Variants in PTP4A3 observed in about 807,000 individuals in gnomAD.
PTP4A3 encodes the protein protein tyrosine phosphatase 4A3, also known as protein tyrosine phosphatase type IVA 3.
Under a neutral mutation model 15.2 loss-of-function variants are expected in PTP4A3, and 9 were observed. The observed-to-expected ratio is 0.59, with a 90% CI of 0.36 to 1.03. The LOEUF is 1.03. Among genes scored for constraint, PTP4A3 ranks in the 50% least tolerant of loss-of-function variants. The pLI is 0.02. For missense variants in PTP4A3, 234 were observed against 252.1 expected (o/e 0.93, Z 0.49); for synonymous variants, 95 against 102.0 (o/e 0.93, Z 0.41).
chr8:141,398,892 C>T (rs1159511851), intron 1 of PTP4A3, among the ~76,000 whole-genome samples: 32 of 152,110 alleles, frequency 2.1e-4, no homozygotes, highest in Admixed American at 2.1e-3. Flanking sequence ...CGGCCTCGTC[C>T]TCACCCGCCA....
At chr8:141,429,323 G>T (rs962800768) in intron 5 of PTP4A3, among the ~76,000 whole-genome samples, 2 of 152,266 alleles carry the variant, frequency 1.3e-5, no homozygotes, top group African/African-American at 4.8e-5. Flanking sequence ...GGCCACGCCT[G>T]AGGTCATGGC....
At position 141,422,264 on chromosome 8, in the gene PTP4A3, C is replaced by T. The variant is rs764412569; in HGVS notation, c.24C>T (p.Ala8=). The T allele has an allele frequency of 7.4e-6, 12 of 1,612,956 alleles. No individual in the cohort carries two copies. In the African/African-American group the frequency reaches 9.3e-5, roughly 13 times the overall value. MARMNRP[A]PVEVSYKHMR... Reference sequence around the variant, plus strand: ...CCATGGCTCGGATGAACCGCCCGGCCCCGGTGGAGGTGAGCTACAAACACA... The same window carrying T: ...CCATGGCTCGGATGAACCGCCCGGCTCCGGTGGAGGTGAGCTACAAACACA... The change falls in exon 2 of 6, where the codon GCC becomes GCT. Residue 8 remains alanine, a synonymous_variant. Coordinates refer to ENST00000521578, the MANE Select transcript of PTP4A3 (RefSeq NM_032611.3).
intron 1 of PTP4A3, among the ~76,000 whole-genome samples, chr8:141,414,526 A>T (rs765817327): frequency 3.3e-5 from 5 of 150,616 alleles, no homozygotes; most frequent in Middle Eastern, 3.4e-3. Flanking sequence ...CAGGTGTGTG[A>T]GTCTCTGCAC....
intron 1 of PTP4A3, among the ~76,000 whole-genome samples, chr8:141,414,355 T>TG (rs1236402084): frequency 4.2e-5 from 6 of 142,510 alleles, no homozygotes; most frequent in Non-Finnish European, 9.1e-5. Flanking sequence ...CCCTAGGGTC[T>TG]GGGGGCCCAG....
At chr8:141,426,031 C>T (rs1232770067) in intron 3 of PTP4A3, among the ~76,000 whole-genome samples, 1 of 152,232 alleles carries the variant, frequency 6.6e-6, no homozygotes, top group East Asian at 1.9e-4. Flanking sequence ...CCCTCCCTCC[C>T]CTTCCACAGC....
Position 141,431,216 on chromosome 8 carries a change from G to A in PTP4A3, c.*172G>A. 1 of 628,918 alleles carries A rather than the reference G, an allele frequency of 1.6e-6. No homozygotes were observed. The allele number at this position is 628,918 out of a possible 1,614,324, so 39.0% of individuals were successfully genotyped here. A position where few individuals can be genotyped will look rare whatever the true frequency, so the allele number is the denominator to read the frequency against. ...TGCACTTGTGTCCGAGGAGCGAGGA[G>A]CCCCTCGGGCCCTGGGTGGCCTCTG... On this transcript the variant is annotated 3_prime_UTR_variant, in exon 6 of 6. Coordinates refer to ENST00000521578, the MANE Select transcript of PTP4A3 (RefSeq NM_032611.3).
At position 141,403,862 on chromosome 8, in the gene PTP4A3, G is replaced by A. The variant is rs1016809868; in HGVS notation, c.-854+11778G>A. On this transcript the variant is annotated intron_variant, in intron 1 of 5. Coordinates refer to ENST00000521578, the MANE Select transcript of PTP4A3 (RefSeq NM_032611.3). ...CGGCTTCCTGTATTGCCACGCATTC[G>A]TCTGACTATGTCTATTTGACGAATT... Among the ~76,000 whole-genome samples, 10 of 152,220 alleles carry A rather than the reference G, an allele frequency of 6.6e-5. No homozygotes were observed. In the South Asian group the frequency reaches 8.3e-4, roughly 13 times the overall value.
chr8:141,396,063 C>T (rs886267561), intron 1 of PTP4A3, among the ~76,000 whole-genome samples: 5 of 152,210 alleles, frequency 3.3e-5, no homozygotes, highest in Admixed American at 3.3e-4. Flanking sequence ...GATGTGTAAC[C>T]CCCACCCCTG....
At chr8:141,410,332 C>G (rs1832836139) in intron 1 of PTP4A3, among the ~76,000 whole-genome samples, 1 of 152,230 alleles carries the variant, frequency 6.6e-6, no homozygotes, top group Non-Finnish European at 1.5e-5. Context: ...TGCCTGGTTT[C>G]AAAAACATTC....
intron 1 of PTP4A3, among the ~76,000 whole-genome samples, chr8:141,405,813 C>T (rs960251501): frequency 1.3e-5 from 2 of 151,862 alleles, no homozygotes; most frequent in South Asian, 2.1e-4. Context: ...ACCTGAGATC[C>T]GAGTGGTAAG....
At chr8:141,398,867 A>G (rs909652563) in intron 1 of PTP4A3, among the ~76,000 whole-genome samples, 1 of 152,044 alleles carries the variant, frequency 6.6e-6, no homozygotes, top group African/African-American at 2.4e-5. Flanking sequence ...GGGGAGCTGC[A>G]GGAGCCTGTT....
chr8:141,418,290 C>G (rs150120897), intron 1 of PTP4A3, among the ~76,000 whole-genome samples: 1 of 152,252 alleles, frequency 6.6e-6, no homozygotes, highest in Non-Finnish European at 1.5e-5. Context: ...AGGGGGCGCC[C>G]TGTCTGAAGC....
chr8:141,423,614 G>C (rs532513028), intron 2 of PTP4A3, among the ~76,000 whole-genome samples: 2 of 152,044 alleles, frequency 1.3e-5, no homozygotes, highest in East Asian at 3.9e-4. Flanking sequence ...CGCTCAGTAT[G>C]TGACCAAGGT....
chr8:141,420,537 C>T (rs1420671033), intron 1 of PTP4A3, among the ~76,000 whole-genome samples: 2 of 152,176 alleles, frequency 1.3e-5, no homozygotes, highest in Non-Finnish European at 2.9e-5. Context: ...GCCCCCCCTG[C>T]CGCCTCCCCT....
intron 3 of PTP4A3, among the ~76,000 whole-genome samples, chr8:141,426,193 C>T (rs1321644372): frequency 6.6e-6 from 1 of 152,156 alleles, no homozygotes; most frequent in Non-Finnish European, 1.5e-5. Context: ...ACCAGACAGC[C>T]CCATGCCTGG....
chr8:141,429,623 G>A (rs1023752405), intron 5 of PTP4A3, among the ~76,000 whole-genome samples: 5 of 150,216 alleles, frequency 3.3e-5, no homozygotes, highest in South Asian at 2.1e-4. Context: ...CCACGTCCCC[G>A]CTGTAAGGAC....
chr8:141,431,029 G>C lies in PTP4A3; in HGVS notation c.507G>C (p.Arg169=). The C allele has an allele frequency of 6.2e-7, 1 of 1,613,190 alleles. No individual in the cohort carries two copies. The highest frequency in any genetic ancestry group is 8.5e-7 in the Non-Finnish European group (1 of 1,179,940). Residue 169 remains arginine, a synonymous_variant, in exon 6 of 6, where the codon CGG becomes CGC. Coordinates refer to ENST00000521578, the MANE Select transcript of PTP4A3 (RefSeq NM_032611.3). The stretch of plus-strand genomic sequence containing the variant: ...AAGACCCACACACGCACAAGACCCG[G>C]TGCTGCGTTATGTAGCTCAGGACCT... ...RFKDPHTHKT[R]CCVM is the part of the protein sequence containing the mutation.
At position 141,427,688 on chromosome 8, in the gene PTP4A3, C is replaced by A. The variant is rs573584510; in HGVS notation, c.330-62C>A. ...CCGTGCCCTGCATCTTCAGCAGGTG[C>A]CCTGCCAAGGGGACAGGGGTGCGCA... is the stretch of plus-strand genomic sequence containing the variant. On this transcript the variant is annotated intron_variant, in intron 4 of 5. Coordinates refer to ENST00000521578, the MANE Select transcript of PTP4A3 (RefSeq NM_032611.3). 3.2e-5 allele frequency: 46 copies of A among 1,430,166 alleles called. No homozygotes were observed. In the East Asian group the frequency reaches 6.8e-4, roughly 21 times the overall value. 88.6% of individuals were successfully genotyped at this position (1,430,166 alleles called of 1,614,324 possible). A position where few individuals can be genotyped will look rare whatever the true frequency, so the allele number is the denominator to read the frequency against.
chr8:141,427,086 G>A lies in PTP4A3; in HGVS notation c.329+17G>A. The A allele has an allele frequency of 6.3e-7, 1 of 1,593,310 alleles. No individual in the cohort carries two copies. Among genetic ancestry groups the A allele is most frequent in the East Asian group, 2.2e-5 (1 of 44,708 alleles). On this transcript the variant is annotated intron_variant, in intron 4 of 5. Transcript: ENST00000521578. Reference sequence around the variant, plus strand: ...CCTGGGCCGGTGAGTGTCGGGGCGGGGTAGGGCTCGCCATGTCAGGTGGTT... The same window carrying A: ...CCTGGGCCGGTGAGTGTCGGGGCGGAGTAGGGCTCGCCATGTCAGGTGGTT...
Sources: allele counts gnomAD v4.1 joint callset (sites outside exome capture counted in the v4.1 genomes callset), GRCh38; gene constraint gnomAD v4.1.1; transcripts MANE v1.5; gene names NCBI Gene and HGNC (gene_info 2026-07-23, HGNC 2026-07-21).